CSMD1: variants seen among roughly 807,000 people sequenced by gnomAD.
CSMD1 encodes the protein CUB and sushi domain-containing protein 1.
A neutral mutation model predicts 417.5 loss-of-function variants in CSMD1; 213 were observed. That is an observed-to-expected ratio of 0.51 (90% CI 0.46 to 0.57). The LOEUF (loss-of-function observed/expected upper bound fraction) is 0.57. Among genes scored for constraint, CSMD1 ranks in the 20% least tolerant of loss-of-function variants. The pLI is 0.00. For missense variants in CSMD1, 6,923 were observed against 4,529.7 expected (o/e 1.53, Z -15.17); for synonymous variants, 2,862 against 1,736.8 (o/e 1.65, Z -16.11).
rs183625517 is a variant in CSMD1, at chr8:3,714,367, A to G, written c.932-5876T>C. On this transcript the variant is annotated intron_variant, in intron 6 of 69. Coordinates refer to ENST00000635120, the MANE Select transcript of CSMD1 (RefSeq NM_033225.6). The stretch of plus-strand genomic sequence containing the variant: ...ATTTACCTTTTCTTTTTATAGTATC[A>G]CAGCAAATGGAATTTCCAATTCCAT... Among the ~76,000 whole-genome samples, 739 of 151,030 alleles carry G rather than the reference A, an allele frequency of 4.9e-3. 2 individuals carry two copies. The highest frequency in any genetic ancestry group is 8.0e-3 in the Non-Finnish European group (540 of 67,818).
chr8:4,262,857 A>C (rs1803981931), intron 3 of CSMD1, among the ~76,000 whole-genome samples: 1 of 152,192 alleles, frequency 6.6e-6, no homozygotes, highest in East Asian at 1.9e-4. Context: ...CTGTCTTTTA[A>C]GCCAATAAAA....
chr8:3,377,701 G>C (rs1427936857), intron 18 of CSMD1, among the ~76,000 whole-genome samples: 1 of 152,014 alleles, frequency 6.6e-6, no homozygotes, highest in Non-Finnish European at 1.5e-5. Context: ...TCATATCCTG[G>C]GATGCCTGTT....
chr8:3,448,125 C>A (rs567647053), intron 12 of CSMD1, among the ~76,000 whole-genome samples: 1 of 151,082 alleles, frequency 6.6e-6, no homozygotes, highest in South Asian at 2.1e-4. Flanking sequence ...TAGCATGATG[C>A]TGTCAATCCA....
At chr8:3,471,133 T>C (rs911393568) in intron 11 of CSMD1, among the ~76,000 whole-genome samples, 3 of 152,204 alleles carry the variant, frequency 2.0e-5, no homozygotes, top group African/African-American at 7.2e-5. Flanking sequence ...ACCAGCAGTG[T>C]GTGAGCACCC....
intron 54 of CSMD1, among the ~76,000 whole-genome samples, chr8:2,990,569 A>G (rs1806293420): frequency 6.6e-6 from 1 of 152,222 alleles, no homozygotes; most frequent in African/African-American, 2.4e-5. Context: ...CAAGCTGACC[A>G]GACCACCCAC....
At position 2,935,538 on chromosome 8, in the gene CSMD1, G is replaced by A. The variant is rs1287299088; in HGVS notation, c.*3047C>T. The A allele has an allele frequency of 6.6e-6, 1 of 151,720 alleles. No individual in the cohort carries two copies. The highest frequency in any genetic ancestry group is 6.6e-5 in the Admixed American group (1 of 15,228). 9.4% of individuals were successfully genotyped at this position (151,720 alleles called of 1,614,324 possible). The stretch of plus-strand genomic sequence containing the variant: ...TTGGAACTGAAAATCAGCTAGAGAT[G>A]GTACATTTTACATTATTGGGAAAAT... On this transcript the variant is annotated 3_prime_UTR_variant, in exon 70 of 70. Coordinates refer to ENST00000635120, the MANE Select transcript of CSMD1 (RefSeq NM_033225.6).
intron 4 of CSMD1, among the ~76,000 whole-genome samples, chr8:4,028,966 G>A (rs965459329): frequency 2.6e-5 from 4 of 152,298 alleles, no homozygotes; most frequent in African/African-American, 7.2e-5. Context: ...AAATAGCAGT[G>A]TTGCAGGTAA....
intron 10 of CSMD1, among the ~76,000 whole-genome samples, chr8:3,565,242 T>C (rs186594622): frequency 8.3e-5 from 12 of 143,946 alleles, no homozygotes; most frequent in Non-Finnish European, 1.6e-4. Context: ...AGATTAATGA[T>C]GACAGCCAAG....
chr8:4,249,830 G>A (rs934367394), intron 3 of CSMD1, among the ~76,000 whole-genome samples: 2 of 152,154 alleles, frequency 1.3e-5, no homozygotes, highest in Non-Finnish European at 1.5e-5. Context: ...AAATGGTGCT[G>A]TGGTTTGAAT....
intron 33 of CSMD1, among the ~76,000 whole-genome samples, chr8:3,197,241 GT>G (rs34895955): frequency 0.2 from 31,008 of 151,922 alleles, 3,270 homozygotes; most frequent in South Asian, 0.31. Flanking sequence ...GGAGTCACAC[GT>G]TTTTTTGCAC....
At chr8:4,664,483 C>T (rs1804793810) in intron 1 of CSMD1, among the ~76,000 whole-genome samples, 1 of 152,138 alleles carries the variant, frequency 6.6e-6, no homozygotes. Flanking sequence ...CTGCTTTACC[C>T]TGGGGAGTTC....
At chr8:4,691,657 G>A (rs919128245) in intron 1 of CSMD1, among the ~76,000 whole-genome samples, 1 of 152,160 alleles carries the variant, frequency 6.6e-6, no homozygotes, top group Admixed American at 6.5e-5. Flanking sequence ...TGCCTTGATG[G>A]AGTGAAAGGA....
intron 6 of CSMD1, among the ~76,000 whole-genome samples, chr8:3,745,368 G>A (rs181759514): frequency 6.6e-6 from 1 of 152,286 alleles, no homozygotes; most frequent in East Asian, 1.9e-4. Context: ...AGACTGAGCT[G>A]ACCAGCAGGA....
chr8:3,727,293 G>C (rs373398466), intron 6 of CSMD1, among the ~76,000 whole-genome samples: 2 of 152,184 alleles, frequency 1.3e-5, no homozygotes, highest in Admixed American at 1.3e-4. Context: ...CTTTGAGGCA[G>C]TCAGCTCATC....
chr8:3,651,455 A>G (rs1586030), intron 7 of CSMD1, among the ~76,000 whole-genome samples: 77,047 of 151,850 alleles, frequency 0.51, 19,777 homozygotes, highest in Middle Eastern at 0.57. Context: ...GGGTCTGTGC[A>G]CGTTCTGACT....
At chr8:3,049,812 G>C (rs1196714880) in intron 50 of CSMD1, among the ~76,000 whole-genome samples, 1 of 152,084 alleles carries the variant, frequency 6.6e-6, no homozygotes, top group Non-Finnish European at 1.5e-5. Flanking sequence ...ATTGTAACAT[G>C]CACCCCACTC....
At chr8:4,464,880 A>T (rs1997139) in intron 2 of CSMD1, among the ~76,000 whole-genome samples, 3 of 151,914 alleles carry the variant, frequency 2.0e-5, no homozygotes, top group African/African-American at 7.3e-5. Context: ...TTAGTTTTTT[A>T]TTAGTTTTTA....
chr8:4,693,391 G>C (rs548449580), intron 1 of CSMD1, among the ~76,000 whole-genome samples: 2 of 152,204 alleles, frequency 1.3e-5, no homozygotes, highest in African/African-American at 2.4e-5. Context: ...GATGGTAGGA[G>C]GACTTCCTGG....
At chr8:4,126,617 C>T (rs1484403103) in intron 3 of CSMD1, among the ~76,000 whole-genome samples, 1 of 152,158 alleles carries the variant, frequency 6.6e-6, no homozygotes, top group East Asian at 1.9e-4. Context: ...TTATACTGCA[C>T]ATGTCCTTGA....
Sources: gnomAD v4.1 joint callset for allele counts (sites outside exome capture counted in the v4.1 genomes callset) on GRCh38, gnomAD v4.1.1 for gene constraint, MANE v1.5 for transcripts, NCBI Gene and HGNC (gene_info 2026-07-23, HGNC 2026-07-21) for gene names.